The following CACNA1C variants were observed in gnomAD, a reference collection of about 807,000 sequenced individuals.
CACNA1C encodes the protein voltage-dependent L-type calcium channel subunit alpha-1C.
In CACNA1C, 30 loss-of-function variants were observed where a neutral mutation model predicts 229.0. The ratio of observed to expected loss-of-function variants is 0.13; its 90% CI spans 0.10 to 0.18. The LOEUF (loss-of-function observed/expected upper bound fraction) is 0.18, where lower values mean the gene tolerates loss of function less well. Among genes scored for constraint, CACNA1C ranks in the 10% least tolerant of loss-of-function variants. CACNA1C has a pLI of 1.00. For synonymous variants in CACNA1C, 1,114 were observed against 1,132.5 expected (o/e 0.98, Z 0.33); for missense variants, 1,658 against 2,845.0 (o/e 0.58, Z 9.49).
intron 3 of CACNA1C, among the ~76,000 whole-genome samples, chr12:2,435,064 G>C (rs930244307): frequency 2.6e-5 from 4 of 152,200 alleles, no homozygotes; most frequent in Admixed American, 1.3e-4. Context: ...CTGGAGTTTA[G>C]ACCTCACCTG....
upstream of CACNA1C, among the ~76,000 whole-genome samples, chr12:2,051,879 A>G (rs137958795): frequency 3.0e-4 from 46 of 152,334 alleles, no homozygotes; most frequent in Non-Finnish European, 5.7e-4. Flanking sequence ...GGCTGGAGAT[A>G]GACATTTGAT....
chr12:2,681,285 A>C (rs1435835944), intron 42 of CACNA1C, among the ~76,000 whole-genome samples: 1 of 152,228 alleles, frequency 6.6e-6, no homozygotes, highest in Non-Finnish European at 1.5e-5. Context: ...ATATCTCTCC[A>C]CATAGCAAAA....
chr12:2,035,214 A>G (rs1019893220), intron 1 of CACNA1C, among the ~76,000 whole-genome samples: 2 of 152,172 alleles, frequency 1.3e-5, no homozygotes, highest in African/African-American at 4.8e-5. Context: ...CAGAACTGCC[A>G]CCTTCCAAGT....
At chr12:2,386,659 A>G (rs550477350) in intron 3 of CACNA1C, among the ~76,000 whole-genome samples, 106 of 152,198 alleles carry the variant, frequency 7.0e-4, no homozygotes, top group South Asian at 6.2e-4. Context: ...TGTGACCTGT[A>G]TGTCTTCTCA....
At chr12:2,170,858 G>C (rs1355090114) in intron 3 of CACNA1C, among the ~76,000 whole-genome samples, 1 of 152,250 alleles carries the variant, frequency 6.6e-6, no homozygotes, top group Non-Finnish European at 1.5e-5. Flanking sequence ...CTCCAGGCCT[G>C]CAGGGGCCCT....
At position 2,054,605 on chromosome 12, in the gene CACNA1C, GA is replaced by G. The variant is rs1450205485; in HGVS notation, c.49+995del. 2.6e-5 allele frequency among the ~76,000 whole-genome samples: 4 copies of G among 152,226 alleles called. No individual in the cohort carries two copies. In the East Asian group the frequency reaches 5.8e-4, roughly 22 times the overall value. On this transcript the variant is annotated intron_variant, in intron 1 of 46. Coordinates refer to ENST00000399655, the MANE Select transcript of CACNA1C (RefSeq NM_000719.7). This position sits in a 1 kb window ranked among gnomAD's most constrained non-coding sequence, Gnocchi z 5.5. Reference sequence around the variant, plus strand: ...CCCATATTAACAAGTTGTTTTCTTGGACGTTGCTTAGCATTTAAGGTTTTGG... The same window carrying G: ...CCCATATTAACAAGTTGTTTTCTTGGCGTTGCTTAGCATTTAAGGTTTTGG...
intron 18 of CACNA1C, among the ~76,000 whole-genome samples, chr12:2,587,490 A>T (rs2153234272): frequency 6.6e-6 from 1 of 152,354 alleles, no homozygotes; most frequent in Middle Eastern, 3.4e-3. Context: ...CCAGGCCTGT[A>T]CGGCAGATAC....
At chr12:2,682,423 T>C (rs747898071) in intron 42 of CACNA1C, 127 bp from the exon 43 acceptor site, 113 of 1,079,578 alleles carry the variant, frequency 1.0e-4, no homozygotes, top group Non-Finnish European at 1.5e-4. Context: ...CCTGTTCACG[T>C]GTGTGTGCTT....
intron 3 of CACNA1C, among the ~76,000 whole-genome samples, chr12:2,344,929 TGCTGCCCTAAGAGACTA>T (rs1317080059): frequency 6.6e-6 from 1 of 151,728 alleles, no homozygotes; most frequent in Non-Finnish European, 1.5e-5. Context: ...GAGCATTTAC[TGCTGCCCTAAGAGACTA>T]GCTTTGGGGT....
chr12:2,581,334 C>A (rs2060418094), intron 13 of CACNA1C, among the ~76,000 whole-genome samples: 1 of 152,144 alleles, frequency 6.6e-6, no homozygotes, highest in African/African-American at 2.4e-5. Flanking sequence ...CAGCAGGTAG[C>A]CGGCAGAGCT....
At position 2,566,689 on chromosome 12, in the gene CACNA1C, G is replaced by A. The variant is rs1401404712; in HGVS notation, c.1669+107G>A. ...GAAGGTGGAGGGGAAAGCAGCCAAT[G>A]GTCGGGGCTCTTGGCAGGTGCTGTG... is the stretch of plus-strand genomic sequence containing the variant. On this transcript the variant is annotated intron_variant, in intron 12 of 46. Coordinates refer to ENST00000399655, the MANE Select transcript of CACNA1C (RefSeq NM_000719.7). This position sits in a 1 kb window ranked among gnomAD's most constrained non-coding sequence, Gnocchi z 4.0. The A allele has an allele frequency of 1.0e-6, 1 of 957,266 alleles. No homozygotes were observed. Among genetic ancestry groups the A allele is most frequent in the Non-Finnish European group, 1.5e-6 (1 of 649,226 alleles). 59.3% of individuals were successfully genotyped at this position (957,266 alleles called of 1,614,324 possible). A position where few individuals can be genotyped will look rare whatever the true frequency, so the allele number is the denominator to read the frequency against.
chr12:2,350,611 G>C (rs1483450876), intron 3 of CACNA1C, among the ~76,000 whole-genome samples: 1 of 152,222 alleles, frequency 6.6e-6, no homozygotes, highest in Non-Finnish European at 1.5e-5. Flanking sequence ...TGATGCCCAT[G>C]AACTGAAGAG....
chr12:2,291,150 C>T (rs150799704), intron 3 of CACNA1C, among the ~76,000 whole-genome samples: 91 of 152,278 alleles, frequency 6.0e-4, no homozygotes, highest in Non-Finnish European at 1.1e-3. Context: ...CACCTACTAG[C>T]GTGTCTGGCA....
At chr12:2,058,724 C>T (rs1300896907) in intron 1 of CACNA1C, among the ~76,000 whole-genome samples, 2 of 152,154 alleles carry the variant, frequency 1.3e-5, no homozygotes, top group African/African-American at 4.8e-5. Context: ...TGACAGGATC[C>T]CTCGGGGAAA....
At chr12:2,183,228 TTAACA>T (rs1434076356) in intron 3 of CACNA1C, among the ~76,000 whole-genome samples, 1 of 148,340 alleles carries the variant, frequency 6.7e-6, no homozygotes, top group East Asian at 2.0e-4. Context: ...GGGAAGCCAC[TTAACA>T]TAATTCCTGG....
intron 3 of CACNA1C, among the ~76,000 whole-genome samples, chr12:2,244,641 A>G (rs1029093491): frequency 2.0e-5 from 3 of 152,136 alleles, no homozygotes; most frequent in Non-Finnish European, 2.9e-5. Flanking sequence ...GGTCAGTCCT[A>G]TAAGCACCTC....
chr12:2,021,525 T>G (rs1379010964), intron 1 of CACNA1C, among the ~76,000 whole-genome samples: 1 of 151,910 alleles, frequency 6.6e-6, no homozygotes, highest in Non-Finnish European at 1.5e-5. Flanking sequence ...CTAAAAATAC[T>G]AAAAATAAGC....
At chr12:2,286,597 C>T (rs1485793778) in intron 3 of CACNA1C, among the ~76,000 whole-genome samples, 1 of 152,056 alleles carries the variant, frequency 6.6e-6, no homozygotes, top group East Asian at 1.9e-4. Flanking sequence ...TTCGGGGGCT[C>T]TTGTTGATCA....
rs536361695 is a variant in CACNA1C at position 2,053,561 on chromosome 12, C to T, written c.-2C>T. 20 of 1,594,260 alleles carry T rather than the reference C, an allele frequency of 1.3e-5. No individual in the cohort carries two copies. The highest frequency in any genetic ancestry group is 9.2e-5 in the South Asian group (8 of 87,288). ...TCCTCCTATTAAAACCATTTTTGGTCCATGGTCAATGAGAATACGAGGATG... is the reference window on the plus strand; with the variant it reads ...TCCTCCTATTAAAACCATTTTTGGTTCATGGTCAATGAGAATACGAGGATG... On this transcript the variant is annotated 5_prime_UTR_variant, in exon 1 of 47. Transcript: ENST00000399655. The surrounding 1 kb of genome is among the most constrained non-coding windows in gnomAD (Gnocchi z 5.8).
Sources: gnomAD v4.1 joint callset for allele counts (sites outside exome capture counted in the v4.1 genomes callset) on GRCh38, gnomAD v4.1.1 for gene constraint, Gnocchi (gnomAD v3.1) non-coding constraint, MANE v1.5 for transcripts, NCBI Gene and HGNC (gene_info 2026-07-23, HGNC 2026-07-21) for gene names.